Variants in TGFB2 observed in about 807,000 individuals in gnomAD.
TGFB2 encodes the protein transforming growth factor beta 2.
In TGFB2, 13 loss-of-function variants were observed where a neutral mutation model predicts 42.7. The observed-to-expected ratio is 0.30, with a 90% CI of 0.20 to 0.48. The LOEUF (loss-of-function observed/expected upper bound fraction) is 0.48. Among genes scored for constraint, TGFB2 ranks in the 20% least tolerant of loss-of-function variants. The pLI, the probability that TGFB2 is intolerant of heterozygous loss-of-function variation, is 0.99. For missense variants in TGFB2, 390 were observed against 517.5 expected (o/e 0.75, Z 2.39); for synonymous variants, 193 against 193.6 (o/e 1.00, Z 0.03).
chr1:218,439,261 A>G (rs1297326616), intron 6 of TGFB2, among the ~76,000 whole-genome samples: 1 of 152,122 alleles, frequency 6.6e-6, no homozygotes, highest in South Asian at 2.1e-4. Context: ...TAGTGGGTTT[A>G]ATTCCTAAAA....
At chr1:218,421,626 G>A (rs1293463947) in intron 2 of TGFB2, among the ~76,000 whole-genome samples, 1 of 151,988 alleles carries the variant, frequency 6.6e-6, no homozygotes, top group Non-Finnish European at 1.5e-5. Context: ...ACTGTTAGAA[G>A]TGGGATTGTG....
intron 2 of TGFB2, among the ~76,000 whole-genome samples, chr1:218,415,699 GAA>G (rs1174137652): frequency 1.8e-4 from 11 of 61,672 alleles, no homozygotes; most frequent in South Asian, 5.4e-4. Context: ...TGTCTCAAAA[GAA>G]AAAAAAAAAA....
rs1036004441 is a variant in TGFB2, at chr1:218,405,263, A to T, written c.441A>T (p.Ala147=). 2 of 1,614,212 alleles carry T rather than the reference A, an allele frequency of 1.2e-6. No homozygotes were observed. Among genetic ancestry groups the T allele is most frequent in the South Asian group, 2.2e-5 (2 of 91,082 alleles). The change falls in exon 2 of 7, where the codon GCA becomes GCT. Residue 147 remains alanine, a synonymous_variant. Transcript: ENST00000366930. ...AGAATGCTTCCAATTTGGTGAAAGC[A>T]GAGTTCAGAGTCTTTCGTTTGCAGA... ...MEKNASNLVK[A]EFRVFRLQNP... is the part of the protein sequence containing the mutation.
intron 2 of TGFB2, among the ~76,000 whole-genome samples, chr1:218,422,287 G>T (rs1162320916): frequency 1.3e-5 from 2 of 150,952 alleles, no homozygotes; most frequent in East Asian, 3.9e-4. Context: ...GTACAATCTT[G>T]GCTCGCTGCA....
intron 2 of TGFB2, 191 bp downstream of exon 2, chr1:218,405,523 C>A (rs1001034749): frequency 2.1e-6 from 2 of 967,032 alleles, no homozygotes; most frequent in Non-Finnish European, 3.1e-6. Context: ...CACCATCACA[C>A]CCGATTATCT....
chr1:218,367,940 C>T (rs1413298720), intron 1 of TGFB2, among the ~76,000 whole-genome samples: 1 of 151,808 alleles, frequency 6.6e-6, no homozygotes, highest in Non-Finnish European at 1.5e-5. Flanking sequence ...GTAGCTGGGA[C>T]TACAGCCGCA....
intron 1 of TGFB2, among the ~76,000 whole-genome samples, chr1:218,397,740 T>C (rs1658573286): frequency 6.6e-6 from 1 of 152,206 alleles, no homozygotes; most frequent in South Asian, 2.1e-4. Flanking sequence ...GACTGTTATA[T>C]AGGATCCATA....
intron 6 of TGFB2, among the ~76,000 whole-genome samples, chr1:218,437,776 G>C (rs1660019484): frequency 6.6e-6 from 1 of 152,108 alleles, no homozygotes; most frequent in African/African-American, 2.4e-5. Flanking sequence ...AGTCTCACCT[G>C]CCCAGTTATT....
rs985117541 is a variant in TGFB2 at position 218,400,792 on chromosome 1, G to C, written c.347-4377G>C. Among the ~76,000 whole-genome samples, 5 of 152,286 alleles carry C rather than the reference G, an allele frequency of 3.3e-5. No homozygotes were observed. The East Asian group carries it at 9.7e-4, about 29-fold the overall frequency. On this transcript the variant is annotated intron_variant, in intron 1 of 6. Transcript: ENST00000366930. Reference sequence around the variant, plus strand: ...CAGGCTTTTTCCTGAAATGGCATGGGTTGTGTGCCTGACCCCAACTGTCAT... The same window carrying C: ...CAGGCTTTTTCCTGAAATGGCATGGCTTGTGTGCCTGACCCCAACTGTCAT...
intron 2 of TGFB2, among the ~76,000 whole-genome samples, chr1:218,410,174 C>G (rs936195119): frequency 6.6e-6 from 1 of 152,198 alleles, no homozygotes; most frequent in African/African-American, 2.4e-5. Context: ...TAAAATATAG[C>G]CCAAGAGTTT....
intron 1 of TGFB2, among the ~76,000 whole-genome samples, chr1:218,358,821 C>T (rs1439293443): frequency 3.3e-5 from 5 of 152,086 alleles, no homozygotes; most frequent in South Asian, 2.1e-4. Flanking sequence ...GGATTACAGT[C>T]GTGAGCCACC....
intron 2 of TGFB2, among the ~76,000 whole-genome samples, chr1:218,415,623 AG>A (rs1160129102): frequency 3.7e-5 from 5 of 136,338 alleles, no homozygotes; most frequent in Non-Finnish European, 1.5e-5. Flanking sequence ...TGAACCTGGT[AG>A]GCGGAATTTG....
chr1:218,357,984 T>C (rs1451661626), intron 1 of TGFB2, among the ~76,000 whole-genome samples: 1 of 152,250 alleles, frequency 6.6e-6, no homozygotes, highest in Non-Finnish European at 1.5e-5. Context: ...ACTTTGGCTC[T>C]GTTTATTTTA....
intron 2 of TGFB2, among the ~76,000 whole-genome samples, chr1:218,424,121 T>C (rs1449752211): frequency 6.6e-6 from 1 of 152,236 alleles, no homozygotes; most frequent in African/African-American, 2.4e-5. Context: ...TTCTGCTGTA[T>C]ACCCTGCATA....
intron 1 of TGFB2, 55 bp from the exon 2 acceptor site, chr1:218,405,114 C>T: frequency 1.3e-6 from 2 of 1,523,882 alleles, no homozygotes; most frequent in South Asian, 1.3e-5. Flanking sequence ...CTACAGTCTT[C>T]TCTGAAAGCA....
chr1:218,389,457 C>A (rs143660623), intron 1 of TGFB2, among the ~76,000 whole-genome samples: 1 of 152,300 alleles, frequency 6.6e-6, no homozygotes, highest in African/African-American at 2.4e-5. Context: ...TCAAGTAAAG[C>A]AGACCTCTGC....
intron 1 of TGFB2, among the ~76,000 whole-genome samples, chr1:218,397,505 A>C (rs1265905483): frequency 6.7e-6 from 1 of 149,782 alleles, no homozygotes; most frequent in East Asian, 2.0e-4. Flanking sequence ...CTGAGCTTGC[A>C]GTGAGCCGAG....
chr1:218,414,968 T>C (rs767892076), intron 2 of TGFB2, among the ~76,000 whole-genome samples: 55 of 152,268 alleles, frequency 3.6e-4, no homozygotes, highest in Non-Finnish European at 6.6e-4. Context: ...CTCTTGACCA[T>C]GATTCCATAC....
chr1:218,433,038 A>G (rs1157029253), intron 2 of TGFB2, among the ~76,000 whole-genome samples: 1 of 152,128 alleles, frequency 6.6e-6, no homozygotes, highest in African/African-American at 2.4e-5. Flanking sequence ...ATTTGAGATA[A>G]ATACACCTTT....
Sources: gnomAD v4.1 joint callset for allele counts (sites outside exome capture counted in the v4.1 genomes callset) on GRCh38, gnomAD v4.1.1 for gene constraint, MANE v1.5 for transcripts, NCBI Gene and HGNC (gene_info 2026-07-23, HGNC 2026-07-21) for gene names.